The following KLHL29 variants were observed in gnomAD, a reference collection of about 807,000 sequenced individuals.
KLHL29 encodes the protein kelch like family member 29, also known as kelch-like protein 29.
KLHL29 carries 21 observed loss-of-function variants against 80.4 expected under a neutral mutation model. The ratio of observed to expected loss-of-function variants is 0.26; its 90% CI spans 0.19 to 0.38. KLHL29 has a LOEUF of 0.38. Ranked by LOEUF, KLHL29 falls within the 10% of genes least tolerant of loss-of-function variation. The pLI, the probability that KLHL29 is intolerant of heterozygous loss-of-function variation, is 1.00. For synonymous variants in KLHL29, 511 were observed against 526.8 expected (o/e 0.97, Z 0.41); for missense variants, 867 against 1,223.9 (o/e 0.71, Z 4.35).
At chr2:23,569,030 A>G (rs566751302) in intron 3 of KLHL29, among the ~76,000 whole-genome samples, 81 of 152,330 alleles carry the variant, frequency 5.3e-4, no homozygotes, top group African/African-American at 1.5e-3. Flanking sequence ...TCGCAGGTAC[A>G]CTGACCTTGG....
intron 2 of KLHL29, among the ~76,000 whole-genome samples, chr2:23,492,547 G>A (rs1665134832): frequency 6.6e-6 from 1 of 152,242 alleles, no homozygotes; most frequent in Non-Finnish European, 1.5e-5. Flanking sequence ...CTGGTGGGCC[G>A]TGACTTTAAG....
chr2:23,454,000 T>TC (rs1410117170), intron 1 of KLHL29, among the ~76,000 whole-genome samples: 1 of 152,192 alleles, frequency 6.6e-6, no homozygotes, highest in Non-Finnish European at 1.5e-5. Context: ...GGACCCAAGG[T>TC]CCGCTTGCTG....
rs1276873225 is a variant in KLHL29, at chr2:23,503,723, T to C, written c.-46+28056T>C. Among the ~76,000 whole-genome samples, 1 of 152,072 alleles carries C rather than the reference T, an allele frequency of 6.6e-6. No individual in the cohort carries two copies. Among genetic ancestry groups the C allele is most frequent in the Non-Finnish European group, 1.5e-5 (1 of 68,008 alleles). On this transcript the variant is annotated intron_variant, in intron 2 of 13. Coordinates refer to ENST00000486442, the MANE Select transcript of KLHL29 (RefSeq NM_052920.2). This position sits in a 1 kb window ranked among gnomAD's most constrained non-coding sequence, Gnocchi z 4.0. ...AATAGGGCCACAGGTGACAAGTGAG[T>C]TCTGTGACCCTGACCGGCAGCAGCT...
chr2:23,611,563 A>C lies in KLHL29; in HGVS notation c.286-27576A>C, dbSNP rs926013150. ...ATCTTAGGAGAAAGATACCATCTTGACCTCAAATTATTTCTAAAACAATGT... is the reference window on the plus strand; with the variant it reads ...ATCTTAGGAGAAAGATACCATCTTGCCCTCAAATTATTTCTAAAACAATGT... On this transcript the variant is annotated intron_variant, in intron 3 of 13. Coordinates refer to ENST00000486442, the MANE Select transcript of KLHL29 (RefSeq NM_052920.2). Among the ~76,000 whole-genome samples, 7 of 152,330 alleles carry C rather than the reference A, an allele frequency of 4.6e-5. No individual in the cohort carries two copies. The South Asian group carries it at 1.2e-3, about 27-fold the overall frequency.
rs1572520938 is a variant in KLHL29 at position 23,449,683 on chromosome 2, A to ATC, written c.-153-25877_-153-25876insTC. 2.0e-5 allele frequency among the ~76,000 whole-genome samples: 3 copies of ATC among 152,296 alleles called. No individual in the cohort carries two copies. The South Asian group carries it at 6.2e-4, about 32-fold the overall frequency. Reference sequence around the variant, plus strand: ...AGTCATGCTCAAGGTCATGGTGGAAAGGGTACCTCAAAGTTGCCCTCTCTG... The same window carrying ATC: ...AGTCATGCTCAAGGTCATGGTGGAAATCGGGTACCTCAAAGTTGCCCTCTCTG... On this transcript the variant is annotated intron_variant, in intron 1 of 13. Coordinates refer to ENST00000486442, the MANE Select transcript of KLHL29 (RefSeq NM_052920.2).
chr2:23,460,956 A>G (rs1416159787), intron 1 of KLHL29, among the ~76,000 whole-genome samples: 1 of 152,212 alleles, frequency 6.6e-6, no homozygotes, highest in Non-Finnish European at 1.5e-5. Context: ...CTGTGGCCAT[A>G]GATATCATAC....
At chr2:23,688,231 C>T (rs1187727223) in intron 6 of KLHL29, among the ~76,000 whole-genome samples, 2 of 152,242 alleles carry the variant, frequency 1.3e-5, no homozygotes, top group South Asian at 2.1e-4. Context: ...AGACTGGGTG[C>T]ATGCCCATGC....
chr2:23,488,031 A>T (rs10206465), intron 2 of KLHL29, among the ~76,000 whole-genome samples: 93,023 of 152,066 alleles, frequency 0.61, 28,615 homozygotes, highest in Middle Eastern at 0.72. Flanking sequence ...GGACTGGCAG[A>T]TGCGTGGCAA....
chr2:23,565,765 C>T (rs570768776), intron 3 of KLHL29, among the ~76,000 whole-genome samples: 257 of 152,304 alleles, frequency 1.7e-3, no homozygotes, highest in African/African-American at 5.5e-3. Flanking sequence ...ATGTATCCAC[C>T]GGGCTTCCTG....
Position 23,629,837 on chromosome 2 carries a change from CAG to C in KLHL29, c.286-9301_286-9300del, listed in dbSNP as rs1669422734. ...TCAGAAAAATCATTAAGAAAGAAGA[CAG>C]GGCCCCAACAATCCTGAGAGAGGGA... On this transcript the variant is annotated intron_variant, in intron 3 of 13. Transcript: ENST00000486442. 2.6e-5 allele frequency among the ~76,000 whole-genome samples: 4 copies of C among 152,284 alleles called. No homozygotes were observed. The South Asian group carries it at 8.3e-4, about 32-fold the overall frequency.
At chr2:23,616,369 CA>C (rs761488153) in intron 3 of KLHL29, 1 of 152,038 alleles carries the variant, frequency 6.6e-6, no homozygotes, top group Non-Finnish European at 1.5e-5. Context: ...TTGGGGGAGC[CA>C]GGGAAAGATG....
chr2:23,698,541 TAATG>T (rs575964865), intron 11 of KLHL29, among the ~76,000 whole-genome samples: 127 of 148,936 alleles, frequency 8.5e-4, no homozygotes, highest in Non-Finnish European at 1.5e-3. Flanking sequence ...ATTATATTGA[TAATG>T]AATGAGATAT....
chr2:23,635,552 G>A (rs560002927), intron 3 of KLHL29, among the ~76,000 whole-genome samples: 11 of 152,332 alleles, frequency 7.2e-5, no homozygotes, highest in South Asian at 2.1e-4. Context: ...TTCTTCAGTC[G>A]CTGAAAGAAG....
At chr2:23,646,807 T>C (rs1199544462) in intron 5 of KLHL29, among the ~76,000 whole-genome samples, 1 of 152,226 alleles carries the variant, frequency 6.6e-6, no homozygotes, top group African/African-American at 2.4e-5. Context: ...AGGGAATAGC[T>C]GTGTGACTGG....
At chr2:23,624,173 C>T (rs2339848) in intron 3 of KLHL29, among the ~76,000 whole-genome samples, 53,473 of 151,874 alleles carry the variant, frequency 0.35, 10,247 homozygotes, top group East Asian at 0.64. Flanking sequence ...GCAATTACTA[C>T]GTGGAATATT....
At chr2:23,492,307 G>T (rs1040758148) in intron 2 of KLHL29, among the ~76,000 whole-genome samples, 1 of 152,182 alleles carries the variant, frequency 6.6e-6, no homozygotes, top group Non-Finnish European at 1.5e-5. Context: ...CTTGCACACT[G>T]TTCATGCCTC....
chr2:23,627,209 T>C (rs1468508937), intron 3 of KLHL29, among the ~76,000 whole-genome samples: 1 of 152,214 alleles, frequency 6.6e-6, no homozygotes, highest in Non-Finnish European at 1.5e-5. Flanking sequence ...CCCAAGTGTT[T>C]CCTGAAGGCT....
chr2:23,486,140 C>T (rs1664927671), intron 2 of KLHL29, among the ~76,000 whole-genome samples: 1 of 152,164 alleles, frequency 6.6e-6, no homozygotes, highest in African/African-American at 2.4e-5. Context: ...CCCAGACAGC[C>T]ACTGGGCTGC....
chr2:23,651,459 G>A (rs2149163930), intron 5 of KLHL29, among the ~76,000 whole-genome samples: 1 of 152,258 alleles, frequency 6.6e-6, no homozygotes, highest in African/African-American at 2.4e-5. Flanking sequence ...CAATGCCGGT[G>A]TGTATTCGTT....
Sources: allele counts gnomAD v4.1 joint callset (sites outside exome capture counted in the v4.1 genomes callset), GRCh38; gene constraint gnomAD v4.1.1; non-coding constraint Gnocchi (gnomAD v3.1); transcripts MANE v1.5; gene names NCBI Gene and HGNC (gene_info 2026-07-23, HGNC 2026-07-21).